SLC9A2: variants seen among roughly 807,000 people sequenced by gnomAD.
SLC9A2 encodes the protein sodium/hydrogen exchanger 2.
In SLC9A2, 42 loss-of-function variants were observed where a neutral mutation model predicts 71.7. The ratio of observed to expected loss-of-function variants is 0.59; its 90% CI spans 0.46 to 0.76. The LOEUF is 0.76. Among genes scored for constraint, SLC9A2 ranks in the 30% least tolerant of loss-of-function variants. The probability of loss-of-function intolerance (pLI) is 0.00; values close to 1 mark genes in which losing one functional copy is unlikely to be tolerated. For synonymous variants in SLC9A2, 396 were observed against 392.5 expected (o/e 1.01, Z -0.10); for missense variants, 829 against 1,017.4 (o/e 0.81, Z 2.52).
chr2:102,628,234 A>C (rs1676287132), intron 1 of SLC9A2, among the ~76,000 whole-genome samples: 1 of 152,200 alleles, frequency 6.6e-6, no homozygotes, highest in Non-Finnish European at 1.5e-5. Context: ...AAAATTATGC[A>C]AATGACATAT....
intron 1 of SLC9A2, among the ~76,000 whole-genome samples, chr2:102,628,297 T>C (rs1314918606): frequency 1.3e-5 from 2 of 152,138 alleles, no homozygotes; most frequent in African/African-American, 2.4e-5. Context: ...TAGGAAACCA[T>C]GGGTGTTCTG....
At chr2:102,645,339 G>GA (rs1056624155) in intron 1 of SLC9A2, among the ~76,000 whole-genome samples, 29 of 151,808 alleles carry the variant, frequency 1.9e-4, no homozygotes, top group Middle Eastern at 3.4e-3. Flanking sequence ...CCACAAAGAC[G>GA]AAAAAAAACC....
chr2:102,626,650 A>T (rs1676254933), intron 1 of SLC9A2, among the ~76,000 whole-genome samples: 1 of 152,242 alleles, frequency 6.6e-6, no homozygotes, highest in Admixed American at 6.5e-5. Context: ...ACAGAGTGGG[A>T]GAAAATTTTT....
At chr2:102,661,716 T>C (rs1331081760) in intron 2 of SLC9A2, among the ~76,000 whole-genome samples, 1 of 152,200 alleles carries the variant, frequency 6.6e-6, no homozygotes, top group African/African-American at 2.4e-5. Context: ...TTGAAAGATT[T>C]CAAAGCTGTC....
At position 102,705,778 on chromosome 2, in the gene SLC9A2, T is replaced by G. The variant is rs1573437736; in HGVS notation, c.1978-68T>G. On this transcript the variant is annotated intron_variant, in intron 10 of 11. Transcript: ENST00000233969. ...TTAACATGAAGTTTTGCTATACAAT[T>G]TTTAATCTTTAATATACAATAAGTG... 11 of 941,560 alleles carry G rather than the reference T, an allele frequency of 1.2e-5. No individual in the cohort carries two copies. The South Asian group carries it at 2.1e-4, about 18-fold the overall frequency. 58.3% of individuals were successfully genotyped at this position (941,560 alleles called of 1,614,324 possible). A position where few individuals can be genotyped will look rare whatever the true frequency, so the allele number is the denominator to read the frequency against.
intron 1 of SLC9A2, among the ~76,000 whole-genome samples, chr2:102,632,609 CCT>C (rs1676397763): frequency 6.6e-6 from 1 of 152,036 alleles, no homozygotes; most frequent in African/African-American, 2.4e-5. Context: ...TATTCCTCTT[CCT>C]CTCTAATAAT....
chr2:102,682,309 T>C (rs1677468096), intron 3 of SLC9A2, among the ~76,000 whole-genome samples: 1 of 152,192 alleles, frequency 6.6e-6, no homozygotes. Flanking sequence ...TGTAGCATCC[T>C]AGACAGAGAG....
At chr2:102,634,221 T>G (rs1347569450) in intron 1 of SLC9A2, among the ~76,000 whole-genome samples, 5 of 152,238 alleles carry the variant, frequency 3.3e-5, no homozygotes, top group African/African-American at 7.2e-5. Flanking sequence ...TATTATTGTG[T>G]CATTTCACTC....
Position 102,619,878 on chromosome 2 carries a change from G to T in SLC9A2, c.30G>T (p.Leu10=). ...AACCACTGGGCAACTGGAGGAGCCT[G>T]CGGGCGCCACTGCCTCCGATGCTGT... is the stretch of plus-strand genomic sequence containing the variant. MEPLGNWRS[L]RAPLPPMLLL... is the part of the protein sequence containing the mutation. The change falls in exon 1 of 12, where the codon CTG becomes CTT. Residue 10 remains leucine (L), a synonymous_variant. Transcript: ENST00000233969. The surrounding 1 kb of genome is among the most constrained non-coding windows in gnomAD (Gnocchi z 4.3). 1 of 1,557,970 alleles carries T rather than the reference G, an allele frequency of 6.4e-7. No individual in the cohort carries two copies. The highest frequency in any genetic ancestry group is 8.7e-7 in the Non-Finnish European group (1 of 1,150,166).
chr2:102,660,894 T>TATATAATCTC (rs1677036042), intron 2 of SLC9A2, among the ~76,000 whole-genome samples: 2 of 152,212 alleles, frequency 1.3e-5, no homozygotes, highest in African/African-American at 4.8e-5. Context: ...ATTGTCACAG[T>TATATAATCTC]ATATAATCTC....
intron 11 of SLC9A2, among the ~76,000 whole-genome samples, chr2:102,706,532 A>G (rs2104558342): frequency 6.6e-6 from 1 of 152,278 alleles, no homozygotes; most frequent in Admixed American, 6.5e-5. Flanking sequence ...TATGTAACAA[A>G]CCTGCACATT....
chr2:102,678,671 C>T (rs1017586662), intron 3 of SLC9A2, among the ~76,000 whole-genome samples: 1 of 152,074 alleles, frequency 6.6e-6, no homozygotes, highest in Admixed American at 6.5e-5. Context: ...TGACATTGTA[C>T]CCAAGGACTC....
intron 1 of SLC9A2, among the ~76,000 whole-genome samples, chr2:102,627,040 C>A (rs1676262175): frequency 6.6e-6 from 1 of 152,048 alleles, no homozygotes; most frequent in Non-Finnish European, 1.5e-5. Flanking sequence ...GATGTCAGCA[C>A]TTTGTGGGGC....
At position 102,709,454 on chromosome 2, in the gene SLC9A2, G is replaced by C. The variant is rs964122099; in HGVS notation, c.*965G>C. On this transcript the variant is annotated 3_prime_UTR_variant, in exon 12 of 12. Coordinates refer to ENST00000233969, the MANE Select transcript of SLC9A2 (RefSeq NM_003048.6). ...CCTGCTTCAGTAGAATTTTTCTGTA[G>C]AGTGTTGTTTGAATTTTGAGCCTCC... 4 of 152,890 alleles carry C rather than the reference G, an allele frequency of 2.6e-5. No individual in the cohort carries two copies. Among genetic ancestry groups the C allele is most frequent in the Middle Eastern group, 3.4e-3 (1 of 294 alleles). 9.5% of individuals were successfully genotyped at this position (152,890 alleles called of 1,614,324 possible). A position where few individuals can be genotyped will look rare whatever the true frequency, so the allele number is the denominator to read the frequency against.
chr2:102,634,208 T>C (rs1676426244), intron 1 of SLC9A2, among the ~76,000 whole-genome samples: 2 of 152,208 alleles, frequency 1.3e-5, no homozygotes, highest in Admixed American at 1.3e-4. Flanking sequence ...CTGTCACATA[T>C]ATTATTATTG....
At chr2:102,621,658 A>G (rs543755066) in intron 1 of SLC9A2, among the ~76,000 whole-genome samples, 54 of 152,344 alleles carry the variant, frequency 3.5e-4, no homozygotes, top group African/African-American at 1.2e-3. Context: ...GAAAAGACGC[A>G]TTGTCTGCCA....
intron 5 of SLC9A2, among the ~76,000 whole-genome samples, chr2:102,685,844 G>A (rs1677536852): frequency 2.0e-5 from 3 of 152,194 alleles, no homozygotes; most frequent in African/African-American, 7.2e-5. Context: ...GCTCAGGAAA[G>A]AGGCTCTCTG....
rs1182507649 is a variant in SLC9A2, at chr2:102,694,395, A to G, written c.1426-19A>G. ...TGTATAAATATATATGAAATGCTTA[A>G]ATTGTGTTTCCTGTTCAGGGAATAA... On this transcript the variant is annotated intron_variant, in intron 5 of 11. Transcript: ENST00000233969. The G allele has an allele frequency of 1.5e-5, 18 of 1,172,934 alleles. No homozygotes were observed. The highest frequency in any genetic ancestry group is 2.0e-5 in the Non-Finnish European group (17 of 854,620). The allele number at this position is 1,172,934 out of a possible 1,614,324, so 72.7% of individuals were successfully genotyped here.
intron 3 of SLC9A2, among the ~76,000 whole-genome samples, chr2:102,673,157 G>A (rs985727382): frequency 1.6e-4 from 24 of 152,040 alleles, no homozygotes; most frequent in Non-Finnish European, 2.5e-4. Context: ...GTGTCTTCTG[G>A]TATTTATCAA....
Sources: allele counts gnomAD v4.1 joint callset (sites outside exome capture counted in the v4.1 genomes callset), GRCh38; gene constraint gnomAD v4.1.1; non-coding constraint Gnocchi (gnomAD v3.1); transcripts MANE v1.5; gene names NCBI Gene and HGNC (gene_info 2026-07-23, HGNC 2026-07-21).